Variants in NEBL observed in about 807,000 individuals in gnomAD.
The protein encoded by NEBL is nebulette, also known as LIM and SH3 protein 2.
NEBL carries 122 observed loss-of-function variants against 140.2 expected under a neutral mutation model. That is an observed-to-expected ratio of 0.87 (90% CI 0.75 to 1.01). The LOEUF (loss-of-function observed/expected upper bound fraction) is 1.01, where lower values mean the gene tolerates loss of function less well. Ranked by LOEUF, NEBL falls within the 50% of genes least tolerant of loss-of-function variation. NEBL has a pLI of 0.00. For synonymous variants in NEBL, 436 were observed against 398.9 expected, an observed-to-expected ratio of 1.09 and a Z score of -1.11; for missense variants, 1,365 against 1,231.3, an observed-to-expected ratio of 1.11 and a Z score of -1.62.
intron 12 of NEBL, among the ~76,000 whole-genome samples, 179 bp from the exon 13 acceptor site, chr10:20,841,028 T>G (rs1302684456): frequency 6.6e-6 from 1 of 152,132 alleles, no homozygotes; most frequent in African/African-American, 2.4e-5. Flanking sequence ...TCTACCAAGT[T>G]CAGAGTGGCT....
intron 2 of NEBL, among the ~76,000 whole-genome samples, chr10:21,248,721 T>G (rs1842549997): frequency 6.6e-6 from 1 of 152,212 alleles, no homozygotes; most frequent in African/African-American, 2.4e-5. Context: ...ATTCTATATT[T>G]AATTTTTTGA....
chr10:21,233,684 CTAGATA>C (rs1359050960), intron 3 of NEBL, among the ~76,000 whole-genome samples: 1 of 139,328 alleles, frequency 7.2e-6, no homozygotes, highest in African/African-American at 2.6e-5. Context: ...ATATGTATAT[CTAGATA>C]TAGAGACATA....
chr10:20,861,759 TTGAAAATGA>T (rs1181062937), intron 7 of NEBL, among the ~76,000 whole-genome samples: 1 of 152,198 alleles, frequency 6.6e-6, no homozygotes, highest in Non-Finnish European at 1.5e-5. Flanking sequence ...ACTAGAGTAT[TTGAAAATGA>T]TACTGATAAA....
chr10:21,063,555 T>G (rs188269218), intron 2 of NEBL, among the ~76,000 whole-genome samples: 43 of 152,346 alleles, frequency 2.8e-4, no homozygotes, highest in Admixed American at 2.7e-3. Context: ...ACAGTGGTTA[T>G]ATTTTTCTTC....
chr10:21,244,162 C>T (rs950136630), intron 3 of NEBL, among the ~76,000 whole-genome samples: 1 of 151,914 alleles, frequency 6.6e-6, no homozygotes, highest in Non-Finnish European at 1.5e-5. Flanking sequence ...TTTCCACTCC[C>T]TAAGCTTATT....
intron 4 of NEBL, among the ~76,000 whole-genome samples, chr10:20,936,522 C>T (rs958985436): frequency 3.9e-5 from 6 of 152,172 alleles, no homozygotes; most frequent in African/African-American, 9.6e-5. Flanking sequence ...ACATAATTAA[C>T]TATGTCTGTT....
chr10:21,087,189 A>AC (rs1234043039), intron 2 of NEBL, among the ~76,000 whole-genome samples: 1 of 151,888 alleles, frequency 6.6e-6, no homozygotes, highest in East Asian at 1.9e-4. Flanking sequence ...TCCTCCCCAG[A>AC]CCCCCCACCA....
intron 26 of NEBL, among the ~76,000 whole-genome samples, chr10:20,796,036 A>T (rs1192333245): frequency 6.6e-6 from 1 of 152,182 alleles, no homozygotes; most frequent in Non-Finnish European, 1.5e-5. Context: ...ACATTTCAGC[A>T]CTTCATTGAT....
intron 3 of NEBL, among the ~76,000 whole-genome samples, chr10:21,231,998 C>T (rs749618498): frequency 4.6e-5 from 7 of 151,964 alleles, no homozygotes; most frequent in Non-Finnish European, 1.0e-4. Flanking sequence ...GATCATAAAA[C>T]CAAAAAATGC....
rs184062115 is a variant in NEBL, at chr10:20,951,254, T to C, written c.357+10418A>G. Among the ~76,000 whole-genome samples the C allele has an allele frequency of 2.8e-3, 433 of 152,118 alleles. 3 individuals carry two copies. Among genetic ancestry groups the C allele is most frequent in the Non-Finnish European group, 2.6e-3 (178 of 68,008 alleles). ...GTCTGGAGGCATTTCACAAAAGCAA[T>C]AGGTCCTTCAGACAGAAATTTAGAT... On this transcript the variant is annotated intron_variant, in intron 4 of 6. Transcript: ENST00000417816.
At chr10:20,873,469 G>T (rs1320072271) in intron 5 of NEBL, among the ~76,000 whole-genome samples, 6 of 152,030 alleles carry the variant, frequency 3.9e-5, no homozygotes, top group African/African-American at 1.4e-4. Context: ...AAACAAGGAG[G>T]AGGAAGAACA....
chr10:21,082,220 A>G (rs2131938425), intron 2 of NEBL, among the ~76,000 whole-genome samples: 1 of 152,320 alleles, frequency 6.6e-6, no homozygotes, highest in Middle Eastern at 3.4e-3. Flanking sequence ...CTGAAGGAAC[A>G]TGATGATTGA....
At chr10:20,808,137 C>T (rs1412363680) in intron 26 of NEBL, among the ~76,000 whole-genome samples, 1 of 151,676 alleles carries the variant, frequency 6.6e-6, no homozygotes, top group Non-Finnish European at 1.5e-5. Context: ...TGATTTTTTT[C>T]CTTAATGGAA....
intron 4 of NEBL, among the ~76,000 whole-genome samples, chr10:20,904,586 GGTTTT>G (rs1355692621): frequency 1.3e-5 from 2 of 152,090 alleles, no homozygotes; most frequent in Non-Finnish European, 2.9e-5. Context: ...ATCAGCTTTT[GGTTTT>G]GTTTTATTTT....
At chr10:21,184,074 G>A (rs1271510501) in intron 3 of NEBL, among the ~76,000 whole-genome samples, 3 of 152,124 alleles carry the variant, frequency 2.0e-5, no homozygotes, top group Non-Finnish European at 4.4e-5. Flanking sequence ...CCAGTCTTAG[G>A]TATGTCTTCA....
intron 2 of NEBL, among the ~76,000 whole-genome samples, chr10:21,097,502 C>G (rs1837247585): frequency 6.6e-6 from 1 of 152,108 alleles, no homozygotes; most frequent in South Asian, 2.1e-4. Flanking sequence ...AATGGTGTGT[C>G]CTTTCTGTTT....
At chr10:21,210,036 C>T (rs547379694) in intron 3 of NEBL, among the ~76,000 whole-genome samples, 8 of 152,280 alleles carry the variant, frequency 5.3e-5, no homozygotes, top group South Asian at 4.1e-4. Flanking sequence ...TCCAGTTCCA[C>T]GAGCCTCAAA....
intron 3 of NEBL, among the ~76,000 whole-genome samples, 178 bp downstream of exon 3, chr10:20,889,667 T>A (rs940671195): frequency 4.6e-5 from 7 of 152,158 alleles, no homozygotes; most frequent in African/African-American, 1.7e-4. Flanking sequence ...CATAGTAAAA[T>A]CTGTCAATCT....
chr10:20,812,383 A>G (rs1197175105), intron 24 of NEBL, among the ~76,000 whole-genome samples: 11 of 152,116 alleles, frequency 7.2e-5, no homozygotes, highest in Non-Finnish European at 1.0e-4. Flanking sequence ...CAGGTTTGTT[A>G]CATACGTATA....
Sources: gnomAD v4.1 joint callset for allele counts (sites outside exome capture counted in the v4.1 genomes callset) on GRCh38, gnomAD v4.1.1 for gene constraint, MANE v1.5 for transcripts, NCBI Gene and HGNC (gene_info 2026-07-23, HGNC 2026-07-21) for gene names.